The following ZBTB38 variants were observed in gnomAD, a reference collection of about 807,000 sequenced individuals.
ZBTB38 encodes the protein zinc finger and BTB domain-containing protein 38.
In ZBTB38, 20 loss-of-function variants were observed where a neutral mutation model predicts 76.8. That is an observed-to-expected ratio of 0.26 (90% CI 0.18 to 0.38). The LOEUF is 0.38. ZBTB38 is among the 10% of genes least tolerant of loss of function. ZBTB38 has a pLI of 1.00. For synonymous variants in ZBTB38, 504 were observed against 544.2 expected (o/e 0.93, Z 1.03); for missense variants, 1,082 against 1,482.3 (o/e 0.73, Z 4.43).
chr3:141,419,545 G>C (rs1014381718), intron 5 of ZBTB38, among the ~76,000 whole-genome samples: 1 of 152,210 alleles, frequency 6.6e-6, no homozygotes, highest in African/African-American at 2.4e-5. Context: ...GATCAGGACT[G>C]AAAACCCGAC....
rs547532931 is a variant in ZBTB38, at chr3:141,329,828, T to C, written c.-739+5372T>C. 1.1e-4 allele frequency among the ~76,000 whole-genome samples: 16 copies of C among 152,170 alleles called. 1 individual carries two copies. The South Asian group carries it at 3.3e-3, about 32-fold the overall frequency. ...GAAAATTTTAGAAAACTCGTTGGAA[T>C]AGAAAAATAATGAAGGGTGGTGAGG... On this transcript the variant is annotated intron_variant, in intron 1 of 7. Coordinates refer to the ZBTB38 transcript ENST00000509842.
chr3:141,344,973 T>C (rs1283415949), intron 1 of ZBTB38, among the ~76,000 whole-genome samples: 1 of 152,198 alleles, frequency 6.6e-6, no homozygotes, highest in East Asian at 1.9e-4. Context: ...AGTCCTGCTG[T>C]TAATCCTAGG....
At chr3:141,339,686 G>GA (rs1943113278) in intron 1 of ZBTB38, among the ~76,000 whole-genome samples, 1 of 152,212 alleles carries the variant, frequency 6.6e-6, no homozygotes, top group Non-Finnish European at 1.5e-5. Context: ...GCCATTTACT[G>GA]AAATTAGAAA....
chr3:141,375,366 C>A (rs1218783955), intron 2 of ZBTB38, among the ~76,000 whole-genome samples: 1 of 152,108 alleles, frequency 6.6e-6, no homozygotes, highest in Non-Finnish European at 1.5e-5. Flanking sequence ...AGACAAAAGG[C>A]GCCAATGAGA....
At chr3:141,348,423 G>C (rs1396379588) in intron 1 of ZBTB38, among the ~76,000 whole-genome samples, 1 of 152,164 alleles carries the variant, frequency 6.6e-6, no homozygotes, top group South Asian at 2.1e-4. Flanking sequence ...TTGGAACTTG[G>C]AAGTAATTAT....
intron 1 of ZBTB38, among the ~76,000 whole-genome samples, chr3:141,329,993 G>A (rs575981190): frequency 1.1e-4 from 17 of 151,090 alleles, no homozygotes; most frequent in East Asian, 3.9e-4. Flanking sequence ...TACATATATT[G>A]TATATATATA....
chr3:141,390,692 C>A (rs1054884475), intron 4 of ZBTB38, among the ~76,000 whole-genome samples: 1 of 152,158 alleles, frequency 6.6e-6, no homozygotes, highest in African/African-American at 2.4e-5. Flanking sequence ...CAAGGGAAAT[C>A]CTGTTCTTAA....
chr3:141,352,408 G>A (rs191097493), intron 1 of ZBTB38, among the ~76,000 whole-genome samples: 1 of 152,224 alleles, frequency 6.6e-6, no homozygotes, highest in Admixed American at 6.5e-5. Flanking sequence ...TCAGAATGTT[G>A]TAGAAGGGGT....
intron 1 of ZBTB38, among the ~76,000 whole-genome samples, chr3:141,347,711 G>A (rs1031185876): frequency 5.9e-5 from 9 of 152,366 alleles, no homozygotes; most frequent in African/African-American, 1.4e-4. Context: ...TGGATGGTGC[G>A]TCTGACAGTA....
At chr3:141,361,910 T>C (rs1344371075) in intron 1 of ZBTB38, among the ~76,000 whole-genome samples, 1 of 152,258 alleles carries the variant, frequency 6.6e-6, no homozygotes, top group Non-Finnish European at 1.5e-5. Context: ...TCTACAACAC[T>C]GGTTTTTAAA....
intron 3 of ZBTB38, chr3:141,384,796 G>C (rs989809780): frequency 6.6e-6 from 1 of 152,210 alleles, no homozygotes; most frequent in African/African-American, 2.4e-5. Flanking sequence ...TACTGTTTTC[G>C]TTAGAGCCAC....
Position 141,444,264 on chromosome 3 carries a change from A to G in ZBTB38, c.1876A>G (p.Thr626Ala), listed in dbSNP as rs190044841. The G allele has an allele frequency of 6.2e-7, 1 of 1,614,210 alleles. No homozygotes were observed. The highest frequency in any genetic ancestry group is 1.3e-5 in the African/African-American group (1 of 75,054). Reference protein sequence around the residue: ...LNFQDTVNTLTNSPAIPLETS... With the variant: ...LNFQDTVNTLANSPAIPLETS... ...TTTCCAAGATACTGTAAACACCCTG[A>G]CCAACAGTCCAGCCATCCCATTGGA... Residue 626 changes from threonine (T) to alanine (A), a missense_variant, in exon 6 of 6, where the codon ACC (threonine) becomes GCC (alanine). Thr to Ala is a moderately conservative substitution (Grantham distance 58, BLOSUM62 0). Around this residue, in one of 8 missense-constraint regions of ZBTB38, gnomAD observed 471 missense variants for 581.0 expected, o/e 0.81. Coordinates refer to ENST00000321464, the MANE Select transcript of ZBTB38 (RefSeq NM_001376113.1). The surrounding 1 kb of genome is among the most constrained non-coding windows in gnomAD (Gnocchi z 5.1).
intron 1 of ZBTB38, among the ~76,000 whole-genome samples, chr3:141,328,855 G>T (rs940882810): frequency 4.6e-5 from 7 of 152,010 alleles, no homozygotes; most frequent in African/African-American, 1.7e-4. Flanking sequence ...CAAACTACTG[G>T]GGATTCCCTT....
chr3:141,384,570 T>A (rs894481711), intron 3 of ZBTB38, among the ~76,000 whole-genome samples: 2 of 152,192 alleles, frequency 1.3e-5, no homozygotes, highest in Non-Finnish European at 2.9e-5. Context: ...CCCACCCCAC[T>A]CTAAGGACTC....
intron 4 of ZBTB38, among the ~76,000 whole-genome samples, chr3:141,390,761 C>T (rs2149332043): frequency 6.6e-6 from 1 of 152,300 alleles, no homozygotes. Flanking sequence ...ACATGCCAGG[C>T]ATATTCCAGA....
Position 141,443,870 on chromosome 3 carries a change from C to T in ZBTB38, c.1482C>T (p.Asn494=). Residue 494 remains asparagine (N), a synonymous_variant, in exon 6 of 6, where the codon AAC becomes AAT. Transcript: ENST00000321464. This position sits in a 1 kb window ranked among gnomAD's most constrained non-coding sequence, Gnocchi z 5.6. ...WRRTYPCHYC[N]KVFALAEYRT... is the part of the protein sequence containing the mutation. ...GAACATATCCTTGCCATTACTGCAA[C>T]AAAGTATTTGCATTGGCTGAGTACA... The T allele has an allele frequency of 1.2e-6, 2 of 1,614,092 alleles. No homozygotes were observed. Among genetic ancestry groups the T allele is most frequent in the South Asian group, 2.2e-5 (2 of 91,088 alleles).
At chr3:141,409,366 CT>C (rs1012854736) in intron 5 of ZBTB38, among the ~76,000 whole-genome samples, 5 of 152,072 alleles carry the variant, frequency 3.3e-5, no homozygotes, top group Non-Finnish European at 7.4e-5. Context: ...TTTTTACACC[CT>C]GGGGTCTGTC....
At chr3:141,422,755 G>A (rs757004533) in intron 5 of ZBTB38, among the ~76,000 whole-genome samples, 4 of 152,100 alleles carry the variant, frequency 2.6e-5, no homozygotes, top group African/African-American at 7.2e-5. Flanking sequence ...TAATGGGCAT[G>A]CAGGGCTCCC....
At chr3:141,390,092 T>C (rs1033721669) in intron 4 of ZBTB38, 12 of 152,354 alleles carry the variant, frequency 7.9e-5, no homozygotes, top group African/African-American at 2.6e-4. Flanking sequence ...TAATAATTAC[T>C]ATATATTACT....
Sources: allele counts gnomAD v4.1 joint callset (sites outside exome capture counted in the v4.1 genomes callset), GRCh38; gene constraint gnomAD v4.1.1; regional missense constraint gnomAD v4.1.1; non-coding constraint Gnocchi (gnomAD v3.1); transcripts MANE v1.5; gene names NCBI Gene and HGNC (gene_info 2026-07-23, HGNC 2026-07-21).